Variants in MGAT4C observed in about 807,000 individuals in gnomAD.
The protein encoded by MGAT4C is alpha-1,3-mannosyl-glycoprotein 4-beta-N-acetylglucosaminyltransferase C.
In MGAT4C, 19 loss-of-function variants were observed where a neutral mutation model predicts 40.1. That is an observed-to-expected ratio of 0.47 (90% CI 0.33 to 0.70). The LOEUF is 0.70. MGAT4C is among the 30% of genes least tolerant of loss of function. MGAT4C has a pLI of 0.02. For missense variants in MGAT4C, 491 were observed against 563.2 expected (o/e 0.87, Z 1.30); for synonymous variants, 181 against 187.1 (o/e 0.97, Z 0.27).
intron 3 of MGAT4C, among the ~76,000 whole-genome samples, chr12:86,353,064 T>TA (rs537648565): frequency 3.2e-4 from 48 of 149,134 alleles, no homozygotes; most frequent in East Asian, 2.3e-3. Flanking sequence ...AAATAAATTA[T>TA]AAAAAAAAAG....
intron 2 of MGAT4C, among the ~76,000 whole-genome samples, chr12:85,992,727 A>G (rs1886096457): frequency 6.6e-6 from 1 of 152,242 alleles, no homozygotes; most frequent in Admixed American, 6.5e-5. Context: ...ACTTTGAAGC[A>G]CAGAACAGAA....
chr12:86,802,001 T>A (rs1332942609), intron 1 of MGAT4C, among the ~76,000 whole-genome samples: 3 of 151,934 alleles, frequency 2.0e-5, no homozygotes, highest in Non-Finnish European at 4.4e-5. Flanking sequence ...CCTCATTTCT[T>A]TGCATTCCTA....
chr12:86,783,155 C>A (rs1397905594), intron 1 of MGAT4C, among the ~76,000 whole-genome samples: 1 of 152,106 alleles, frequency 6.6e-6, no homozygotes, highest in South Asian at 2.1e-4. Context: ...TCACTTTTTC[C>A]ACAAAACTGA....
intron 4 of MGAT4C, among the ~76,000 whole-genome samples, chr12:86,261,520 A>G (rs571775650): frequency 1.2e-4 from 18 of 152,108 alleles, no homozygotes; most frequent in Non-Finnish European, 2.6e-4. Context: ...TCAGCAAGCT[A>G]TTAGAAGCAA....
intron 1 of MGAT4C, among the ~76,000 whole-genome samples, chr12:86,063,615 G>A (rs1894214508): frequency 6.6e-6 from 1 of 151,360 alleles, no homozygotes. Context: ...TTGGTGTGCT[G>A]TATTCAGAAG....
intron 2 of MGAT4C, among the ~76,000 whole-genome samples, chr12:86,548,817 G>C (rs1312489548): frequency 6.6e-6 from 1 of 152,128 alleles, no homozygotes; most frequent in Non-Finnish European, 1.5e-5. Context: ...CACTGTATGT[G>C]AAGAATTTAG....
At position 86,422,800 on chromosome 12, in the gene MGAT4C, G is replaced by GA. The variant is rs146690003; in HGVS notation, c.-120+12356dup. On this transcript the variant is annotated intron_variant, in intron 3 of 7. Transcript: ENST00000548651. ...TCTGAAATTGTTGTATTTTATTTTG[G>GA]AAAAAAAACATAGAGTATCTGGGTT... Among the ~76,000 whole-genome samples the GA allele has an allele frequency of 9.2e-3, 1,389 of 151,374 alleles. 25 individuals are homozygous for GA. Among genetic ancestry groups the GA allele is most frequent in the African/African-American group, 0.029 (1,195 of 41,226 alleles).
chr12:86,808,740 C>T (rs978136494), intron 1 of MGAT4C, among the ~76,000 whole-genome samples: 65 of 152,032 alleles, frequency 4.3e-4, no homozygotes, highest in African/African-American at 1.5e-3. Context: ...CCTCTCTCAC[C>T]CCTCCTACGC....
chr12:86,158,608 A>G (rs1885246023), intron 1 of MGAT4C, among the ~76,000 whole-genome samples: 1 of 152,182 alleles, frequency 6.6e-6, no homozygotes, highest in Non-Finnish European at 1.5e-5. Context: ...ATTTAGGTGA[A>G]CTGTAAACTA....
At chr12:86,424,294 C>G (rs1956883356) in intron 3 of MGAT4C, among the ~76,000 whole-genome samples, 1 of 152,152 alleles carries the variant, frequency 6.6e-6, no homozygotes. Flanking sequence ...TTTAGCCTTT[C>G]TCTTTAGATT....
chr12:86,267,647 AATAAACC>A (rs1952821671), intron 4 of MGAT4C, among the ~76,000 whole-genome samples: 1 of 152,196 alleles, frequency 6.6e-6, no homozygotes. Context: ...GGGGGGAATA[AATAAACC>A]ATAAAGAGAA....
intron 1 of MGAT4C, among the ~76,000 whole-genome samples, chr12:86,200,346 C>T (rs74820622): frequency 0.017 from 2,658 of 152,030 alleles, 30 homozygotes; most frequent in Middle Eastern, 0.034. Flanking sequence ...TCTAAATATC[C>T]TTGTACAAGT....
chr12:86,257,792 G>A (rs1231973240), upstream of MGAT4C, among the ~76,000 whole-genome samples: 2 of 152,152 alleles, frequency 1.3e-5, no homozygotes, highest in Non-Finnish European at 2.9e-5. Flanking sequence ...GAGTTAGCAT[G>A]TGACATGGGA....
intron 1 of MGAT4C, among the ~76,000 whole-genome samples, chr12:86,095,849 A>C (rs184354152): frequency 1.5e-4 from 23 of 151,984 alleles, no homozygotes; most frequent in Non-Finnish European, 1.6e-4. Context: ...CAATCATTCC[A>C]TTTTATATTG....
chr12:86,343,403 C>T (rs1327507100), intron 3 of MGAT4C, among the ~76,000 whole-genome samples: 1 of 152,134 alleles, frequency 6.6e-6, no homozygotes, highest in East Asian at 1.9e-4. Flanking sequence ...TTTCTCCTCC[C>T]TTATGGAATG....
At chr12:86,248,898 C>T (rs1952153431) in intron 1 of MGAT4C, among the ~76,000 whole-genome samples, 1 of 152,102 alleles carries the variant, frequency 6.6e-6, no homozygotes, top group African/African-American at 2.4e-5. Context: ...GCTCTGTTCC[C>T]ATGCTGAGCA....
intron 2 of MGAT4C, among the ~76,000 whole-genome samples, chr12:86,708,750 G>C (rs993216678): frequency 6.6e-6 from 1 of 152,108 alleles, no homozygotes; most frequent in Non-Finnish European, 1.5e-5. Context: ...AGATCTGATA[G>C]CCCCACCAGA....
At chr12:86,398,364 C>T (rs1956296087) in intron 3 of MGAT4C, among the ~76,000 whole-genome samples, 1 of 152,158 alleles carries the variant, frequency 6.6e-6, no homozygotes, top group Non-Finnish European at 1.5e-5. Context: ...ATCTGTCCAT[C>T]TCAACATGCT....
Position 85,960,971 on chromosome 12 carries a change from A to G in MGAT4C, c.*18318T>C, listed in dbSNP as rs544653748. ...ACTTTCCAGGGCACTATGCATTTTT[A>G]AACAAGACAGTCAACTTACTATTTA... On this transcript the variant is annotated 3_prime_UTR_variant, in exon 5 of 5. Coordinates refer to ENST00000611864, the MANE Select transcript of MGAT4C (RefSeq NM_001351288.2). The G allele has an allele frequency of 6.6e-6, 1 of 152,012 alleles. No homozygotes were observed. Among genetic ancestry groups the G allele is most frequent in the Non-Finnish European group, 1.5e-5 (1 of 67,876 alleles). The allele number at this position is 152,012 out of a possible 1,614,324, so 9.4% of individuals were successfully genotyped here.
Sources: allele counts gnomAD v4.1 joint callset (sites outside exome capture counted in the v4.1 genomes callset), GRCh38; gene constraint gnomAD v4.1.1; transcripts MANE v1.5; gene names NCBI Gene and HGNC (gene_info 2026-07-23, HGNC 2026-07-21).